Variants in SLC11A1 observed in about 807,000 individuals in gnomAD.
SLC11A1 encodes solute carrier family 11 member 1.
Under a neutral mutation model 63.2 loss-of-function variants are expected in SLC11A1, and 59 were observed. The observed-to-expected ratio is 0.93, with a 90% CI of 0.76 to 1.16. The LOEUF is 1.16. SLC11A1 is among the 50% of genes most tolerant of loss of function. The probability of loss-of-function intolerance (pLI) is 0.00; values close to 1 mark genes in which losing one functional copy is unlikely to be tolerated. For missense variants in SLC11A1, 688 were observed against 730.7 expected, an observed-to-expected ratio of 0.94 and a Z score of 0.67; for synonymous variants, 305 against 307.8, an observed-to-expected ratio of 0.99 and a Z score of 0.09.
rs1286333493 is a variant in SLC11A1 at position 218,384,938 on chromosome 2, C to T, written c.274-209C>T. On this transcript the variant is annotated intron_variant, in intron 3 of 14. Coordinates refer to ENST00000233202, the MANE Select transcript of SLC11A1 (RefSeq NM_000578.4). This position sits in a 1 kb window ranked among gnomAD's most constrained non-coding sequence, Gnocchi z 4.0. ...GGGTCTCACTATGTTGCTCAGGCTG[C>T]TCTTGAACTCCTGGACTCAAGCAAT... 9.1e-6 allele frequency: 5 copies of T among 546,960 alleles called. No individual in the cohort carries two copies. Among genetic ancestry groups the T allele is most frequent in the Non-Finnish European group, 1.3e-5 (4 of 306,878 alleles). The allele number at this position is 546,960 out of a possible 1,614,324, so 33.9% of individuals were successfully genotyped here. A position where few individuals can be genotyped will look rare whatever the true frequency, so the allele number is the denominator to read the frequency against.
chr2:218,396,669 G>A lies in SLC11A1; in HGVS notation c.*1634G>A, dbSNP rs1006185475. 3 of 152,852 alleles carry A rather than the reference G, an allele frequency of 2.0e-5. No individual in the cohort carries two copies. The highest frequency in any genetic ancestry group is 6.5e-5 in the Admixed American group (1 of 15,286). 9.5% of individuals were successfully genotyped at this position (152,852 alleles called of 1,614,324 possible). On this transcript the variant is annotated 3_prime_UTR_variant, in exon 15 of 15. Coordinates refer to ENST00000233202, the MANE Select transcript of SLC11A1 (RefSeq NM_000578.4). ...GGCAAGAGGGCCGCCCGCCTCCTCT[G>A]GGTTTGGCACTGGAGAAGATGGGTC...
intron 8 of SLC11A1, 171 bp downstream of exon 8, chr2:218,388,126 T>C: frequency 1.3e-6 from 1 of 781,534 alleles, no homozygotes. Context: ...TCCCAGCACT[T>C]TGGGAGGCGG....
chr2:218,386,521 G>A, intron 4 of SLC11A1, 114 bp from the exon 5 acceptor site: 1 of 683,368 alleles, frequency 1.5e-6, no homozygotes, highest in South Asian at 1.6e-5. Context: ...AAGGTAGGAA[G>A]CCCATTGGCC....
intron 2 of SLC11A1, chr2:218,383,728 C>A (rs1052042051): frequency 1.3e-5 from 2 of 152,886 alleles, no homozygotes; most frequent in East Asian, 1.9e-4. Flanking sequence ...GATCCACCCA[C>A]CTCGGCCTTC....
chr2:218,385,079 T>G, intron 3 of SLC11A1, 68 bp from the exon 4 acceptor site: 1 of 1,600,108 alleles, frequency 6.2e-7, no homozygotes, highest in South Asian at 1.1e-5. Flanking sequence ...GGTTAGAGGG[T>G]ACCACGAGCT....
In SLC11A1 at chr2:218,394,676, C is replaced by G. The variant is rs762641179; in HGVS notation, c.1433C>G (p.Ala478Gly). Residue 478 changes from alanine (A) to glycine (G), a missense_variant, in exon 14 of 15, where the codon GCC becomes GGC. Transcript: ENST00000233202. ...TCTTCCATCATGGTGCTAGTCTGCG[C>G]CATCAACCTCTACTTCGTGGTCAGC... Reference protein sequence around the residue: ...VTSSIMVLVCAINLYFVVSYL... With the variant: ...VTSSIMVLVCGINLYFVVSYL... 7 of 1,614,082 alleles carry G rather than the reference C, an allele frequency of 4.3e-6. No homozygotes were observed. Among genetic ancestry groups the G allele is most frequent in the Non-Finnish European group, 5.9e-6 (7 of 1,180,030 alleles).
rs200610538 is a variant in SLC11A1 at position 218,391,249 on chromosome 2, A to G, written c.1006A>G (p.Met336Val). 2.8e-5 allele frequency: 44 copies of G among 1,589,648 alleles called. No individual in the cohort carries two copies. The African/African-American group carries it at 5.3e-4, about 19-fold the overall frequency. ...SLHDYAKIFP[M>V]NNATVAVDIY... ...CCACGACTACGCCAAGATCTTCCCC[A>G]TGAACAACGCCACCGTGGCCGTGGA... Residue 336 changes from methionine (M) to valine (V), a missense_variant, in exon 10 of 15, where the codon ATG becomes GTG. Met to Val is a conservative substitution (Grantham distance 21, BLOSUM62 1). Coordinates refer to ENST00000233202, the MANE Select transcript of SLC11A1 (RefSeq NM_000578.4).
rs1359387982 is a variant in SLC11A1, at chr2:218,396,006, T to C, written c.*971T>C. The C allele has an allele frequency of 1.3e-5, 2 of 152,360 alleles. No individual in the cohort carries two copies. The highest frequency in any genetic ancestry group is 2.9e-5 in the Non-Finnish European group (2 of 68,050). The allele number at this position is 152,360 out of a possible 1,614,324, so 9.4% of individuals were successfully genotyped here. A position where few individuals can be genotyped will look rare whatever the true frequency, so the allele number is the denominator to read the frequency against. ...CTGTGCCTCTGAGGCCCAAATTATT[T>C]GCTGTTTCCTCAGGGGAGCCGGCGG... On this transcript the variant is annotated 3_prime_UTR_variant, in exon 15 of 15. Transcript: ENST00000233202.
chr2:218,387,142 G>C lies in SLC11A1; in HGVS notation c.501-18G>C. 1 of 1,613,420 alleles carries C rather than the reference G, an allele frequency of 6.2e-7. No individual in the cohort carries two copies. Among genetic ancestry groups the C allele is most frequent in the Non-Finnish European group, 8.5e-7 (1 of 1,179,346 alleles). ...CCCCTGGACCAGGCTGGGCTGACCC[G>C]GGCCACTCTGGTTTCAGAATCCCAC... On this transcript the variant is annotated intron_variant, in intron 5 of 14. Transcript: ENST00000233202.
chr2:218,388,108 G>A (rs1292980837), intron 8 of SLC11A1, 153 bp downstream of exon 8: 14 of 929,048 alleles, frequency 1.5e-5, no homozygotes, highest in Non-Finnish European at 2.2e-5. Flanking sequence ...CATGGCTCAC[G>A]CCTGTAATCC....
intron 7 of SLC11A1, 81 bp downstream of exon 7, chr2:218,387,713 G>C (rs558851006): frequency 1.9e-6 from 3 of 1,611,278 alleles, no homozygotes; most frequent in Non-Finnish European, 2.5e-6. Context: ...GGCTGCGGGG[G>C]GCTGGGGTGG....
intron 3 of SLC11A1, 112 bp from the exon 4 acceptor site, chr2:218,385,035 C>A: frequency 1.4e-6 from 2 of 1,438,892 alleles, no homozygotes; most frequent in Admixed American, 2.0e-5. Flanking sequence ...GATGGGACTC[C>A]ATCTCTCCCA....
Position 218,384,079 on chromosome 2 carries a change from C to T in SLC11A1, c.151-164C>T, listed in dbSNP as rs549362731. 3.4e-6 allele frequency: 2 copies of T among 593,626 alleles called. No individual in the cohort carries two copies. The highest frequency in any genetic ancestry group is 3.0e-5 in the East Asian group (1 of 33,456). 36.8% of individuals were successfully genotyped at this position (593,626 alleles called of 1,614,324 possible). ...TCATCAGAGCATGCTGCTTCCTCCA[C>T]CCATGCCCTCCCCATCCCTTGGGTG... On this transcript the variant is annotated intron_variant, in intron 2 of 14. Transcript: ENST00000233202. This position sits in a 1 kb window ranked among gnomAD's most constrained non-coding sequence, Gnocchi z 4.0.
intron 11 of SLC11A1, 67 bp downstream of exon 11, chr2:218,391,562 G>T: frequency 6.8e-7 from 1 of 1,471,594 alleles, no homozygotes; most frequent in Non-Finnish European, 9.1e-7. Flanking sequence ...CTGGGGGCTA[G>T]AACTCCGAGC....
chr2:218,390,806 C>T (rs779933660), intron 9 of SLC11A1, among the ~76,000 whole-genome samples: 18 of 152,072 alleles, frequency 1.2e-4, no homozygotes, highest in Non-Finnish European at 2.5e-4. Flanking sequence ...CCAGCTCTTA[C>T]GAACCTAAAA....
chr2:218,388,282 C>T, intron 8 of SLC11A1: 1 of 250,872 alleles, frequency 4.0e-6, no homozygotes, highest in Non-Finnish European at 7.8e-6. Flanking sequence ...GCAGGAGAAT[C>T]GCTTGAACCC....
At chr2:218,390,335 G>A (rs1225324496) in intron 9 of SLC11A1, among the ~76,000 whole-genome samples, 2 of 152,000 alleles carry the variant, frequency 1.3e-5, no homozygotes, top group Non-Finnish European at 2.9e-5. Context: ...GAAATAAAGG[G>A]GGTGAAGAAG....
chr2:218,395,272 C>G lies in SLC11A1; in HGVS notation c.*237C>G, dbSNP rs149740640. On this transcript the variant is annotated 3_prime_UTR_variant, in exon 15 of 15. Transcript: ENST00000233202. ...TTGCCATGGAGGTTAAGCACTTTAA[C>G]ACAGTGTCTGGCACTTGGGACAAAA... is the stretch of plus-strand genomic sequence containing the variant. The G allele has an allele frequency of 6.8e-5, 37 of 543,174 alleles. No individual in the cohort carries two copies. Among genetic ancestry groups the G allele is most frequent in the African/African-American group, 6.6e-4 (35 of 52,802 alleles). 33.6% of individuals were successfully genotyped at this position (543,174 alleles called of 1,614,324 possible). A position where few individuals can be genotyped will look rare whatever the true frequency, so the allele number is the denominator to read the frequency against.
Position 218,384,253 on chromosome 2 carries a change from G to C in SLC11A1, c.161G>C (p.Ser54Thr), listed in dbSNP as rs369701314. 1 of 1,599,452 alleles carries C rather than the reference G, an allele frequency of 6.3e-7. No individual in the cohort carries two copies. The highest frequency in any genetic ancestry group is 8.5e-7 in the Non-Finnish European group (1 of 1,169,706). Residue 54 changes from serine to threonine, a missense_variant, in exon 3 of 15, where the codon AGC becomes ACC. Coordinates refer to ENST00000233202, the MANE Select transcript of SLC11A1 (RefSeq NM_000578.4). This position sits in a 1 kb window ranked among gnomAD's most constrained non-coding sequence, Gnocchi z 4.0. Reference sequence around the variant, plus strand: ...CCCACCCCCCAACAGGGCACCTTCAGCCTGCGGAAGCTATGGGCCTTCACG... The same window carrying C: ...CCCACCCCCCAACAGGGCACCTTCACCCTGCGGAAGCTATGGGCCTTCACG... ...PIPDTKPGTF[S>T]LRKLWAFTGP...
Sources: gnomAD v4.1 joint callset for allele counts (sites outside exome capture counted in the v4.1 genomes callset) on GRCh38, gnomAD v4.1.1 for gene constraint, Gnocchi (gnomAD v3.1) non-coding constraint, MANE v1.5 for transcripts, NCBI Gene and HGNC (gene_info 2026-07-23, HGNC 2026-07-21) for gene names.